SNX29: variants seen among roughly 807,000 people sequenced by gnomAD.
The protein encoded by SNX29 is sorting nexin-29.
SNX29 carries 78 observed loss-of-function variants against 102.1 expected under a neutral mutation model. That is an observed-to-expected ratio of 0.76 (90% CI 0.64 to 0.92). The LOEUF is 0.92. Ranked by LOEUF, SNX29 falls within the 40% of genes least tolerant of loss-of-function variation. SNX29 has a pLI of 0.00. For synonymous variants in SNX29, 580 were observed against 414.5 expected, an observed-to-expected ratio of 1.40 and a Z score of -4.85; for missense variants, 1,280 against 1,061.7, an observed-to-expected ratio of 1.21 and a Z score of -2.86.
At chr16:12,318,103 T>G (rs562288685) in intron 15 of SNX29, among the ~76,000 whole-genome samples, 1 of 152,346 alleles carries the variant, frequency 6.6e-6, no homozygotes, top group South Asian at 2.1e-4. Context: ...GAGACATCCT[T>G]GGCCCATTTC....
chr16:12,266,983 G>A lies in SNX29; in HGVS notation c.1679-10950G>A, dbSNP rs905732914. ...TTACCGTGTTGGCCAGGCTGGTCTCGAACTCTTGATCTCAAGTGATCCGCC... is the reference window on the plus strand; with the variant it reads ...TTACCGTGTTGGCCAGGCTGGTCTCAAACTCTTGATCTCAAGTGATCCGCC... On this transcript the variant is annotated intron_variant, in intron 14 of 20. Transcript: ENST00000566228. Among the ~76,000 whole-genome samples the A allele has an allele frequency of 4.6e-5, 7 of 151,990 alleles. No individual in the cohort carries two copies. In the South Asian group the frequency reaches 1.5e-3, roughly 32 times the overall value.
At chr16:12,118,950 G>A (rs916416614) in intron 11 of SNX29, among the ~76,000 whole-genome samples, 3 of 152,174 alleles carry the variant, frequency 2.0e-5, no homozygotes, top group African/African-American at 7.2e-5. Flanking sequence ...ATGCTGCTTT[G>A]TAAAAATGGC....
intron 6 of SNX29, among the ~76,000 whole-genome samples, chr16:12,047,384 A>T (rs62037736): frequency 0.4 from 60,611 of 151,980 alleles, 12,696 homozygotes; most frequent in Middle Eastern, 0.51. Context: ...CTAAATCTCA[A>T]ATATCTGGGG....
At chr16:12,013,715 G>A (rs894284204) in intron 3 of SNX29, among the ~76,000 whole-genome samples, 1 of 151,008 alleles carries the variant, frequency 6.6e-6, no homozygotes, top group Non-Finnish European at 1.5e-5. Context: ...CATAATCTTG[G>A]CTCACTGCAA....
chr16:12,272,675 A>G (rs1387204568), intron 14 of SNX29, among the ~76,000 whole-genome samples: 3 of 152,136 alleles, frequency 2.0e-5, no homozygotes, highest in South Asian at 2.1e-4. Flanking sequence ...TTGCAGGTAC[A>G]TAGATAAAGT....
intron 20 of SNX29, among the ~76,000 whole-genome samples, chr16:12,544,042 T>A (rs940655930): frequency 5.9e-5 from 9 of 152,198 alleles, no homozygotes; most frequent in African/African-American, 1.7e-4. Flanking sequence ...CTCATCACAT[T>A]GCAAAGCCAC....
intron 20 of SNX29, 33 bp from the exon 21 acceptor site, chr16:12,568,471 CCA>C (rs1567224680): frequency 6.2e-7 from 1 of 1,605,058 alleles, no homozygotes; most frequent in Middle Eastern, 1.7e-4. Context: ...CTTTTCATCC[CCA>C]GACTTAACCC....
At chr16:12,029,195 C>A (rs1352470426) in intron 4 of SNX29, among the ~76,000 whole-genome samples, 1 of 151,250 alleles carries the variant, frequency 6.6e-6, no homozygotes, top group Non-Finnish European at 1.5e-5. Context: ...GTTTATTTCA[C>A]CAGTTACTCA....
chr16:12,062,325 G>A (rs2050809484), intron 9 of SNX29, among the ~76,000 whole-genome samples: 1 of 151,766 alleles, frequency 6.6e-6, no homozygotes, highest in African/African-American at 2.4e-5. Flanking sequence ...GTTGCAGTGA[G>A]CCGATATCGT....
At chr16:12,463,481 A>G (rs2086904136) in intron 18 of SNX29, among the ~76,000 whole-genome samples, 1 of 152,148 alleles carries the variant, frequency 6.6e-6, no homozygotes, top group Non-Finnish European at 1.5e-5. Flanking sequence ...TTGTGCAGAG[A>G]AACTCTGCCT....
chr16:12,185,095 G>A (rs1567289095), intron 13 of SNX29, among the ~76,000 whole-genome samples: 1 of 152,160 alleles, frequency 6.6e-6, no homozygotes, highest in Non-Finnish European at 1.5e-5. Flanking sequence ...CCATGTTCTT[G>A]CTTTGGTTCT....
At chr16:12,226,011 G>A (rs2077601635) in intron 14 of SNX29, among the ~76,000 whole-genome samples, 1 of 152,124 alleles carries the variant, frequency 6.6e-6, no homozygotes, top group Admixed American at 6.6e-5. Context: ...TCTAGCAAGG[G>A]GCAAATTCAT....
intron 16 of SNX29, among the ~76,000 whole-genome samples, chr16:12,365,806 G>A (rs1764275782): frequency 6.6e-6 from 1 of 151,884 alleles, no homozygotes; most frequent in Admixed American, 6.6e-5. Context: ...ACTTTGGGAG[G>A]CCGAGGCAGG....
At chr16:12,344,289 CAG>C (rs1567459259) in intron 15 of SNX29, among the ~76,000 whole-genome samples, 1 of 152,144 alleles carries the variant, frequency 6.6e-6, no homozygotes, top group African/African-American at 2.4e-5. Context: ...TAACCCAAAG[CAG>C]AGAGAGATTG....
intron 8 of SNX29, chr16:12,060,790 C>T (rs1460936839): frequency 2.2e-6 from 1 of 456,322 alleles, no homozygotes; most frequent in East Asian, 6.9e-5. Context: ...AACCCAACCA[C>T]ACTGCCTGGC....
At chr16:12,183,915 A>T (rs1049300620) in intron 13 of SNX29, among the ~76,000 whole-genome samples, 9 of 152,220 alleles carry the variant, frequency 5.9e-5, no homozygotes, top group African/African-American at 2.2e-4. Flanking sequence ...TACAAATGCC[A>T]TGGCAACATC....
At chr16:12,348,463 C>G (rs1277278276) in intron 15 of SNX29, among the ~76,000 whole-genome samples, 1 of 152,206 alleles carries the variant, frequency 6.6e-6, no homozygotes, top group African/African-American at 2.4e-5. Flanking sequence ...GCAGCCAGAG[C>G]CCACATGGCT....
intron 14 of SNX29, among the ~76,000 whole-genome samples, chr16:12,206,380 C>G (rs549049628): frequency 1.2e-5 from 1 of 84,238 alleles, no homozygotes; most frequent in African/African-American, 4.0e-5. Flanking sequence ...TAACAAATAG[C>G]TTTCAAAAAA....
At chr16:12,258,088 C>T (rs1248432096) in intron 14 of SNX29, among the ~76,000 whole-genome samples, 1 of 152,154 alleles carries the variant, frequency 6.6e-6, no homozygotes, top group Non-Finnish European at 1.5e-5. Context: ...GCAGTCTGCT[C>T]TTCACACAGC....
Sources: allele counts gnomAD v4.1 joint callset (sites outside exome capture counted in the v4.1 genomes callset), GRCh38; gene constraint gnomAD v4.1.1; transcripts MANE v1.5; gene names NCBI Gene and HGNC (gene_info 2026-07-23, HGNC 2026-07-21).